ALK: variants seen among roughly 807,000 people sequenced by gnomAD.
ALK encodes the protein ALK tyrosine kinase receptor.
In ALK, 74 loss-of-function variants were observed where a neutral mutation model predicts 163.1. The observed-to-expected ratio is 0.45, with a 90% CI of 0.38 to 0.55. The LOEUF (loss-of-function observed/expected upper bound fraction) is 0.55. ALK is among the 20% of genes least tolerant of loss of function. The pLI is 0.00. For synonymous variants in ALK, 960 were observed against 843.2 expected (o/e 1.14, Z -2.40); for missense variants, 2,063 against 2,105.3 (o/e 0.98, Z 0.39).
intron 5 of ALK, among the ~76,000 whole-genome samples, chr2:29,358,730 G>T (rs1668314412): frequency 6.6e-6 from 1 of 152,092 alleles, no homozygotes; most frequent in South Asian, 2.1e-4. Context: ...TCTCAGTGAG[G>T]GGCAGGCACT....
At chr2:29,228,809 A>G (rs1253612143) in intron 16 of ALK, 75 bp downstream of exon 16, 2 of 957,508 alleles carry the variant, frequency 2.1e-6, no homozygotes, top group African/African-American at 1.6e-5. Flanking sequence ...AGGGCAGGGG[A>G]GGGCAGGGCA....
chr2:29,739,516 C>T (rs1490460435), intron 1 of ALK, among the ~76,000 whole-genome samples: 1 of 150,994 alleles, frequency 6.6e-6, no homozygotes, highest in Non-Finnish European at 1.5e-5. Context: ...CGAGATTGCG[C>T]CACTGCACTC....
intron 1 of ALK, among the ~76,000 whole-genome samples, chr2:29,919,732 G>C (rs1667933877): frequency 6.6e-6 from 1 of 152,150 alleles, no homozygotes. Flanking sequence ...TATAAGTCCA[G>C]AGAAGAAGGC....
chr2:29,866,933 G>T (rs1351422250), intron 1 of ALK, among the ~76,000 whole-genome samples: 2 of 152,188 alleles, frequency 1.3e-5, no homozygotes, highest in African/African-American at 4.8e-5. Context: ...GTGTGTTATG[G>T]CTGGTCCTTT....
Position 29,288,320 on chromosome 2 carries a change from G to A in ALK, c.1817+8568C>T, listed in dbSNP as rs181373122. On this transcript the variant is annotated intron_variant, in intron 9 of 28. Transcript: ENST00000389048. ...TCATGTTCTGGAGGCCTGGGGCCTC[G>A]TCTTGTCCTGGTTTTTCACTTGGGT... 2.2e-4 allele frequency among the ~76,000 whole-genome samples: 34 copies of A among 152,260 alleles called. No individual in the cohort carries two copies. The East Asian group carries it at 4.6e-3, about 21-fold the overall frequency.
intron 8 of ALK, among the ~76,000 whole-genome samples, chr2:29,313,276 T>C (rs2148243884): frequency 6.6e-6 from 1 of 152,310 alleles, no homozygotes; most frequent in South Asian, 2.1e-4. Flanking sequence ...TGAGGCCTCC[T>C]GGAATGGCTT....
chr2:29,671,178 T>C (rs1397721107), intron 3 of ALK, among the ~76,000 whole-genome samples: 1 of 152,116 alleles, frequency 6.6e-6, no homozygotes, highest in Non-Finnish European at 1.5e-5. Flanking sequence ...ACCTATAGGT[T>C]GCTGCCTCCT....
At chr2:29,382,244 G>T (rs1266497904) in intron 5 of ALK, among the ~76,000 whole-genome samples, 1 of 152,152 alleles carries the variant, frequency 6.6e-6, no homozygotes, top group African/African-American at 2.4e-5. Flanking sequence ...AAATTAGAGA[G>T]ATTTTAGGGA....
chr2:29,537,221 CG>C (rs1411281623), intron 3 of ALK, among the ~76,000 whole-genome samples: 4 of 152,196 alleles, frequency 2.6e-5, no homozygotes, highest in Non-Finnish European at 5.9e-5. Flanking sequence ...AAAAAAAGAT[CG>C]CAAGGGCATT....
rs146576725 is a variant in ALK, at chr2:29,244,910, G to C, written c.2205-5080C>G. Among the ~76,000 whole-genome samples, 421 of 152,392 alleles carry C rather than the reference G, an allele frequency of 2.8e-3. 2 individuals carry two copies. The highest frequency in any genetic ancestry group is 9.7e-3 in the African/African-American group (402 of 41,594). On this transcript the variant is annotated intron_variant, in intron 12 of 28. Transcript: ENST00000389048. ...CCTGTGGTCTTTCCAGAGACTGTGA[G>C]GCTCCAGAGTCTCAGGCCTTTCTAC...
chr2:29,502,703 C>G (rs897327919), intron 4 of ALK, among the ~76,000 whole-genome samples: 1 of 151,806 alleles, frequency 6.6e-6, no homozygotes, highest in African/African-American at 2.4e-5. Flanking sequence ...TTTTTTACTC[C>G]GCCTGAAAGC....
At chr2:29,847,421 A>C (rs1665875899) in intron 1 of ALK, among the ~76,000 whole-genome samples, 1 of 152,168 alleles carries the variant, frequency 6.6e-6, no homozygotes, top group African/African-American at 2.4e-5. Context: ...AGGGGATTTT[A>C]ATAAAAGCAA....
chr2:29,865,447 GT>G (rs960912582), intron 1 of ALK, among the ~76,000 whole-genome samples: 4 of 152,104 alleles, frequency 2.6e-5, no homozygotes, highest in African/African-American at 9.7e-5. Flanking sequence ...AGCTTTATTT[GT>G]TTCTCCTATG....
At chr2:29,500,594 C>T (rs1672147504) in intron 4 of ALK, among the ~76,000 whole-genome samples, 1 of 152,074 alleles carries the variant, frequency 6.6e-6, no homozygotes, top group Admixed American at 6.5e-5. Context: ...CCTTTATCCT[C>T]ATCATGTGCT....
chr2:29,486,242 T>C (rs1267470372), intron 4 of ALK, among the ~76,000 whole-genome samples: 2 of 152,204 alleles, frequency 1.3e-5, no homozygotes, highest in Non-Finnish European at 2.9e-5. Context: ...AAATTAATAA[T>C]GGAGAATCTT....
intron 3 of ALK, among the ~76,000 whole-genome samples, chr2:29,691,876 A>G (rs949581343): frequency 6.6e-6 from 1 of 152,208 alleles, no homozygotes; most frequent in Non-Finnish European, 1.5e-5. Flanking sequence ...CATCTGTGGA[A>G]TTTACAAAGA....
At chr2:29,367,905 C>T (rs1668546279) in intron 5 of ALK, among the ~76,000 whole-genome samples, 1 of 152,078 alleles carries the variant, frequency 6.6e-6, no homozygotes, top group South Asian at 2.1e-4. Context: ...AATATATTTG[C>T]CTTATTTACA....
At chr2:29,244,557 T>C (rs1328436775) in intron 12 of ALK, among the ~76,000 whole-genome samples, 1 of 152,196 alleles carries the variant, frequency 6.6e-6, no homozygotes, top group African/African-American at 2.4e-5. Context: ...AGTGTAGCCC[T>C]AAGTGCCTTG....
chr2:29,861,424 A>G (rs1168281256), intron 1 of ALK, among the ~76,000 whole-genome samples: 2 of 152,330 alleles, frequency 1.3e-5, no homozygotes, highest in Admixed American at 6.5e-5. Context: ...GAAGACTCAA[A>G]TAAAATAAAA....
Sources: gnomAD v4.1 joint callset for allele counts (sites outside exome capture counted in the v4.1 genomes callset) on GRCh38, gnomAD v4.1.1 for gene constraint, MANE v1.5 for transcripts, NCBI Gene and HGNC (gene_info 2026-07-23, HGNC 2026-07-21) for gene names.